TSPAN12: variants seen among roughly 807,000 people sequenced by gnomAD.
The protein encoded by TSPAN12 is tetraspanin 12, also known as tetraspanin-12.
In TSPAN12, 19 loss-of-function variants were observed where a neutral mutation model predicts 39.2. That is an observed-to-expected ratio of 0.49 (90% CI 0.34 to 0.71). The LOEUF (loss-of-function observed/expected upper bound fraction) is 0.71, where lower values mean the gene tolerates loss of function less well. Ranked by LOEUF, TSPAN12 falls within the 30% of genes least tolerant of loss-of-function variation. TSPAN12 has a pLI of 0.01. For synonymous variants in TSPAN12, 119 were observed against 124.8 expected, an observed-to-expected ratio of 0.95 and a Z score of 0.31; for missense variants, 314 against 359.9, an observed-to-expected ratio of 0.87 and a Z score of 1.03.
chr7:120,799,746 T>A (rs2116323436), intron 7 of TSPAN12, among the ~76,000 whole-genome samples: 1 of 132,800 alleles, frequency 7.5e-6, no homozygotes, highest in South Asian at 2.2e-4. Context: ...TATTTATATA[T>A]ATAATTTAAT....
chr7:120,836,355 G>T (rs1794476263), intron 4 of TSPAN12, among the ~76,000 whole-genome samples: 1 of 152,160 alleles, frequency 6.6e-6, no homozygotes, highest in Admixed American at 6.5e-5. Flanking sequence ...ACCCCAAAGG[G>T]AATGGAGAAC....
intron 2 of TSPAN12, 37 bp downstream of exon 2, chr7:120,856,661 G>A (rs1794875654): frequency 6.8e-6 from 11 of 1,610,814 alleles, no homozygotes; most frequent in Non-Finnish European, 9.3e-6. Flanking sequence ...ACCAGAGCCA[G>A]CCGTTCCCAC....
intron 2 of TSPAN12, among the ~76,000 whole-genome samples, chr7:120,849,579 T>C (rs1584954506): frequency 2.0e-5 from 3 of 152,214 alleles, no homozygotes; most frequent in Non-Finnish European, 4.4e-5. Context: ...AAACTTTTCA[T>C]GTCAAACCTG....
Position 120,810,555 on chromosome 7 carries a change from A to C in TSPAN12, c.376T>G (p.Ser126Ala). ...EQELMVPVQW[S>A]DMVTLKARMT... ...CTGGCTTTCAAAGTGACCATATCTG[A>C]CCATTGTACTGGAACCTGGTGATAA... Residue 126 changes from serine (S) to alanine (A), a missense_variant, in exon 6 of 8, where the codon TCA becomes GCA. Ser to Ala is a moderately conservative substitution (Grantham distance 99, BLOSUM62 1). Transcript: ENST00000222747. 1 of 1,613,246 alleles carries C rather than the reference A, an allele frequency of 6.2e-7. No homozygotes were observed. The highest frequency in any genetic ancestry group is 8.5e-7 in the Non-Finnish European group (1 of 1,179,510).
intron 7 of TSPAN12, among the ~76,000 whole-genome samples, chr7:120,803,898 T>C (rs1022553696): frequency 2.0e-5 from 3 of 152,172 alleles, no homozygotes; most frequent in African/African-American, 7.2e-5. Flanking sequence ...TGAGGATGAA[T>C]TGCAGTTTTA....
intron 4 of TSPAN12, among the ~76,000 whole-genome samples, chr7:120,833,636 A>G (rs1165412637): frequency 6.6e-6 from 1 of 152,200 alleles, no homozygotes; most frequent in Non-Finnish European, 1.5e-5. Context: ...TACGTAAGGT[A>G]CATCCAACTT....
intron 2 of TSPAN12, among the ~76,000 whole-genome samples, chr7:120,855,384 A>G (rs989951789): frequency 2.0e-5 from 3 of 152,240 alleles, no homozygotes; most frequent in African/African-American, 7.2e-5. Flanking sequence ...TGATGATTCT[A>G]TAATTAAAAA....
At chr7:120,827,504 T>G (rs1369683235) in intron 4 of TSPAN12, among the ~76,000 whole-genome samples, 8 of 152,188 alleles carry the variant, frequency 5.3e-5, no homozygotes, top group Non-Finnish European at 7.4e-5. Flanking sequence ...AGAAAAATGA[T>G]GTATAAACAA....
rs556427743 is a variant in TSPAN12, at chr7:120,798,997, C to T, written c.612+7552G>A. 1.4e-3 allele frequency among the ~76,000 whole-genome samples: 212 copies of T among 151,996 alleles called. 3 individuals are homozygous for T. Among genetic ancestry groups the T allele is most frequent in the Non-Finnish European group, 1.4e-3 (95 of 67,934 alleles). ...GTATCAACCTCCTTTTTTTGGTGCC[C>T]CACTTAAATATTTTCTAATTCCTAC... is the stretch of plus-strand genomic sequence containing the variant. On this transcript the variant is annotated intron_variant, in intron 7 of 7. Transcript: ENST00000222747.
At chr7:120,795,087 AAG>A (rs1793605708) in intron 7 of TSPAN12, among the ~76,000 whole-genome samples, 1 of 152,250 alleles carries the variant, frequency 6.6e-6, no homozygotes, top group South Asian at 2.1e-4. Context: ...GTAGAGTAAA[AAG>A]AGGAGGCAAA....
intron 4 of TSPAN12, among the ~76,000 whole-genome samples, chr7:120,836,576 C>T (rs1316483496): frequency 6.6e-6 from 1 of 152,180 alleles, no homozygotes; most frequent in Non-Finnish European, 1.5e-5. Context: ...AGTTCTTCCT[C>T]TCTGGCCTCA....
At chr7:120,804,875 G>A (rs1200364144) in intron 7 of TSPAN12, among the ~76,000 whole-genome samples, 1 of 152,056 alleles carries the variant, frequency 6.6e-6, no homozygotes, top group African/African-American at 2.4e-5. Flanking sequence ...ACAGATCAGG[G>A]TGATTTTTCT....
At chr7:120,811,492 C>CTAACACAGTGAAGCTAA (rs1334605944) in intron 5 of TSPAN12, among the ~76,000 whole-genome samples, 1 of 151,858 alleles carries the variant, frequency 6.6e-6, no homozygotes, top group Non-Finnish European at 1.5e-5. Context: ...CACAGTGAAA[C>CTAACACAGTGAAGCTAA]CCCGTCTCTA....
intron 5 of TSPAN12, among the ~76,000 whole-genome samples, chr7:120,814,924 G>T (rs140745358): frequency 3.0e-4 from 46 of 152,276 alleles, no homozygotes; most frequent in African/African-American, 1.0e-3. Flanking sequence ...TCTGCCTGTC[G>T]CAAACAGGAG....
intron 4 of TSPAN12, among the ~76,000 whole-genome samples, chr7:120,822,405 A>G (rs1021433160): frequency 6.6e-6 from 1 of 151,986 alleles, no homozygotes; most frequent in Non-Finnish European, 1.5e-5. Context: ...TCCCCTTGAA[A>G]CTTCACTAAA....
intron 2 of TSPAN12, among the ~76,000 whole-genome samples, chr7:120,842,847 ATAT>A (rs767330644): frequency 3.3e-5 from 5 of 151,738 alleles, no homozygotes; most frequent in Admixed American, 1.3e-4. Flanking sequence ...ATTAATAGTA[ATAT>A]TATATTAATT....
At chr7:120,821,136 TG>T (rs1196881877) in intron 4 of TSPAN12, among the ~76,000 whole-genome samples, 5 of 152,136 alleles carry the variant, frequency 3.3e-5, no homozygotes, top group Non-Finnish European at 7.4e-5. Flanking sequence ...TTTGAAAAAT[TG>T]TTCAATACAG....
At chr7:120,805,908 T>A (rs1365729760) in intron 7 of TSPAN12, among the ~76,000 whole-genome samples, 1 of 152,024 alleles carries the variant, frequency 6.6e-6, no homozygotes, top group South Asian at 2.1e-4. Flanking sequence ...CTGAAAATAA[T>A]CAGTAAAAAT....
At chr7:120,801,328 G>A (rs1411763024) in intron 7 of TSPAN12, among the ~76,000 whole-genome samples, 1 of 152,108 alleles carries the variant, frequency 6.6e-6, no homozygotes, top group African/African-American at 2.4e-5. Context: ...ATTTGTCAAT[G>A]TTTTCTAGCA....
Sources: allele counts gnomAD v4.1 joint callset (sites outside exome capture counted in the v4.1 genomes callset), GRCh38; gene constraint gnomAD v4.1.1; transcripts MANE v1.5; gene names NCBI Gene and HGNC (gene_info 2026-07-23, HGNC 2026-07-21).